Variants in CHCHD6 observed in about 807,000 individuals in gnomAD.
CHCHD6 encodes the protein coiled-coil-helix-coiled-coil-helix domain containing 6, also known as MICOS complex subunit MIC25.
In CHCHD6, 28 loss-of-function variants were observed where a neutral mutation model predicts 32.3. The ratio of observed to expected loss-of-function variants is 0.87; its 90% CI spans 0.64 to 1.19. The LOEUF (loss-of-function observed/expected upper bound fraction) is 1.19, where lower values mean the gene tolerates loss of function less well. Among genes scored for constraint, CHCHD6 ranks in the 50% most tolerant of loss-of-function variants. The probability of loss-of-function intolerance (pLI) is 0.00; values close to 1 mark genes in which losing one functional copy is unlikely to be tolerated. For synonymous variants in CHCHD6, 122 were observed against 117.5 expected (o/e 1.04, Z -0.25); for missense variants, 333 against 307.0 (o/e 1.08, Z -0.63).
intron 5 of CHCHD6, among the ~76,000 whole-genome samples, chr3:126,888,458 A>C (rs899375772): frequency 6.6e-6 from 1 of 151,904 alleles, no homozygotes; most frequent in Non-Finnish European, 1.5e-5. Context: ...CCATTTAGCC[A>C]CTCCTCATGC....
chr3:126,807,237 A>T (rs983776671), intron 4 of CHCHD6, among the ~76,000 whole-genome samples: 1 of 152,138 alleles, frequency 6.6e-6, no homozygotes, highest in African/African-American at 2.4e-5. Context: ...CAGCCTCCAT[A>T]GTCCCAAACA....
intron 4 of CHCHD6, among the ~76,000 whole-genome samples, chr3:126,800,889 T>C (rs370437406): frequency 6.6e-5 from 10 of 152,268 alleles, no homozygotes; most frequent in African/African-American, 2.4e-4. Context: ...AATTTAGAAG[T>C]TCTTCAGTAA....
intron 5 of CHCHD6, among the ~76,000 whole-genome samples, chr3:126,859,077 G>A (rs543149559): frequency 7.9e-5 from 12 of 152,366 alleles, no homozygotes; most frequent in African/African-American, 1.9e-4. Flanking sequence ...GTGATTCATC[G>A]CCAAGGGCTG....
At chr3:126,811,231 T>C (rs1939641629) in intron 4 of CHCHD6, among the ~76,000 whole-genome samples, 1 of 152,192 alleles carries the variant, frequency 6.6e-6, no homozygotes, top group Non-Finnish European at 1.5e-5. Flanking sequence ...CTATGCAGAA[T>C]TAATTGAGCG....
At chr3:126,801,279 G>A (rs1985504) in intron 4 of CHCHD6, among the ~76,000 whole-genome samples, 3,391 of 152,314 alleles carry the variant, frequency 0.022, 129 homozygotes, top group African/African-American at 0.076. Flanking sequence ...CTCAGGAAGC[G>A]CAAGGGGTCA....
chr3:126,937,835 G>T (rs181073888), intron 6 of CHCHD6, among the ~76,000 whole-genome samples: 5 of 152,214 alleles, frequency 3.3e-5, no homozygotes, highest in African/African-American at 1.2e-4. Context: ...GGGTGTGGGG[G>T]GAGATAGTAT....
At chr3:126,806,834 G>A (rs1939407980) in intron 4 of CHCHD6, among the ~76,000 whole-genome samples, 1 of 152,158 alleles carries the variant, frequency 6.6e-6, no homozygotes, top group African/African-American at 2.4e-5. Context: ...TTAAGGAAAT[G>A]TGGCACATAT....
chr3:126,892,051 C>T (rs1056001974), intron 5 of CHCHD6, among the ~76,000 whole-genome samples: 5 of 152,298 alleles, frequency 3.3e-5, no homozygotes, highest in African/African-American at 9.6e-5. Context: ...CCAGCGACAA[C>T]GTCTCACAGC....
At chr3:126,720,029 C>T (rs562546459) in intron 1 of CHCHD6, among the ~76,000 whole-genome samples, 4 of 152,152 alleles carry the variant, frequency 2.6e-5, no homozygotes, top group South Asian at 2.1e-4. Context: ...TACAGGTGCC[C>T]GCCACCACGC....
intron 4 of CHCHD6, among the ~76,000 whole-genome samples, chr3:126,817,936 GTC>G (rs1277300737): frequency 6.6e-6 from 1 of 152,190 alleles, no homozygotes; most frequent in Non-Finnish European, 1.5e-5. Context: ...GCTGAGGACA[GTC>G]TGAAAAGCCT....
intron 4 of CHCHD6, among the ~76,000 whole-genome samples, chr3:126,833,023 C>T (rs545878199): frequency 3.9e-5 from 6 of 152,126 alleles, no homozygotes; most frequent in Admixed American, 6.5e-5. Flanking sequence ...AAGAAAGTTA[C>T]GGGAAGGAAT....
At chr3:126,813,018 T>C (rs930473861) in intron 4 of CHCHD6, among the ~76,000 whole-genome samples, 4 of 152,140 alleles carry the variant, frequency 2.6e-5, no homozygotes, top group Admixed American at 2.0e-4. Context: ...AGTTTATGAG[T>C]ATTTTTAGGG....
intron 4 of CHCHD6, among the ~76,000 whole-genome samples, chr3:126,760,938 A>T (rs1320128679): frequency 6.6e-6 from 1 of 152,108 alleles, no homozygotes; most frequent in African/African-American, 2.4e-5. Flanking sequence ...TGCTCAAGTG[A>T]TCCTCCTGCC....
intron 4 of CHCHD6, among the ~76,000 whole-genome samples, chr3:126,838,923 C>T (rs577348562): frequency 1.4e-5 from 2 of 143,908 alleles, no homozygotes; most frequent in South Asian, 4.4e-4. Context: ...CAGTCTTGCT[C>T]TGTTGCTCAG....
chr3:126,935,173 G>C, intron 6 of CHCHD6: 1 of 987,502 alleles, frequency 1.0e-6, no homozygotes, highest in African/African-American at 1.7e-5. Context: ...AAACATTTCT[G>C]CCTTGAATGT....
intron 5 of CHCHD6, among the ~76,000 whole-genome samples, chr3:126,905,096 C>T (rs189489632): frequency 4.7e-4 from 71 of 152,186 alleles, no homozygotes; most frequent in African/African-American, 1.5e-3. Flanking sequence ...ACATCCAGAA[C>T]GAGCCAAGAA....
intron 5 of CHCHD6, among the ~76,000 whole-genome samples, chr3:126,899,545 C>G (rs2077891739): frequency 6.6e-6 from 1 of 152,204 alleles, no homozygotes; most frequent in Non-Finnish European, 1.5e-5. Flanking sequence ...TTCTCCAAGT[C>G]ACTGATGTTG....
chr3:126,712,867 G>A (rs568022144), intron 1 of CHCHD6, among the ~76,000 whole-genome samples: 1 of 152,276 alleles, frequency 6.6e-6, no homozygotes, highest in South Asian at 2.1e-4. Flanking sequence ...GTCCAAATGG[G>A]ACTCACCCGC....
intron 5 of CHCHD6, among the ~76,000 whole-genome samples, chr3:126,886,163 C>T (rs1316965971): frequency 6.6e-6 from 1 of 152,200 alleles, no homozygotes; most frequent in Non-Finnish European, 1.5e-5. Context: ...TACCAAGGCC[C>T]ATTCTGTTTT....
Sources: allele counts gnomAD v4.1 joint callset (sites outside exome capture counted in the v4.1 genomes callset), GRCh38; gene constraint gnomAD v4.1.1; transcripts MANE v1.5; gene names NCBI Gene and HGNC (gene_info 2026-07-23, HGNC 2026-07-21).